The following AMOTL2 variants were observed in gnomAD, a reference collection of about 807,000 sequenced individuals.
AMOTL2 encodes the protein angiomotin-like protein 2.
A neutral mutation model predicts 78.4 loss-of-function variants in AMOTL2; 33 were observed. That is an observed-to-expected ratio of 0.42 (90% CI 0.32 to 0.56). The LOEUF (loss-of-function observed/expected upper bound fraction) is 0.56. AMOTL2 is among the 20% of genes least tolerant of loss of function. The pLI is 0.12. For missense variants in AMOTL2, 983 were observed against 1,030.1 expected, an observed-to-expected ratio of 0.95 and a Z score of 0.63; for synonymous variants, 422 against 428.8, an observed-to-expected ratio of 0.98 and a Z score of 0.20.
intron 9 of AMOTL2, among the ~76,000 whole-genome samples, chr3:134,358,273 G>A (rs901128570): frequency 2.0e-5 from 3 of 152,350 alleles, no homozygotes; most frequent in Non-Finnish European, 4.4e-5. Flanking sequence ...AGGAGCTAAA[G>A]TGCCTCCCAT....
In AMOTL2 at chr3:134,366,301, AG is replaced by A. The variant is rs1415768478; in HGVS notation, c.1167del (p.Phe390SerfsTer177). 2 of 1,614,168 alleles carry A rather than the reference AG, an allele frequency of 1.2e-6. No individual in the cohort carries two copies. The highest frequency in any genetic ancestry group is 1.7e-6 in the Non-Finnish European group (2 of 1,180,008). On this transcript the variant is annotated frameshift_variant, in exon 4 of 10. Transcript: ENST00000249883. LOFTEE classifies it high-confidence loss of function. ...KMDSEMRRLQDFNRDLRERLE... is the reference protein window; with the variant it reads ...KMDSEMRRLQXFNRDLRERLE... Reference sequence around the variant, plus strand: ...CTCTCACCTCTAAGATCCCGGTTGAAGTCTTGCAGCCTCCTCATTTCACTGT... The same window carrying A: ...CTCTCACCTCTAAGATCCCGGTTGAATCTTGCAGCCTCCTCATTTCACTGT...
chr3:134,366,353 C>G lies in AMOTL2; in HGVS notation c.1116G>C (p.Leu372=), dbSNP rs759114475. 6.2e-7 allele frequency: 1 copy of G among 1,614,076 alleles called. No individual in the cohort carries two copies. The highest frequency in any genetic ancestry group is 1.3e-5 in the African/African-American group (1 of 74,930). Residue 372 remains leucine, a synonymous_variant, in exon 4 of 10, where the codon CTG becomes CTC. Transcript: ENST00000249883. ...CCATCTTGTTCCGCATGGTCTTCTC[C>G]AGGGCCTCACGCTTGGAGGAGGCTC... ...LTRASSKREA[L]EKTMRNKMDS... is the part of the protein sequence containing the mutation.
At chr3:134,367,260 G>T (rs1436038184) in intron 3 of AMOTL2, among the ~76,000 whole-genome samples, 2 of 152,174 alleles carry the variant, frequency 1.3e-5, no homozygotes, top group Admixed American at 6.5e-5. Context: ...ATCACCACTG[G>T]CCAGCAACTG....
intron 1 of AMOTL2, chr3:134,374,066 T>G: frequency 4.9e-6 from 1 of 202,888 alleles, no homozygotes; most frequent in Non-Finnish European, 7.8e-6. Flanking sequence ...ACTGTGGCTG[T>G]TGTCTCCGGA....
chr3:134,373,808 A>C (rs1334599372), intron 1 of AMOTL2: 2 of 985,336 alleles, frequency 2.0e-6, no homozygotes, highest in East Asian at 2.3e-4. Flanking sequence ...TGTTTTCCAA[A>C]TACTCTAACG....
At chr3:134,373,592 C>G in intron 1 of AMOTL2, 3 of 985,484 alleles carry the variant, frequency 3.0e-6, no homozygotes, top group Non-Finnish European at 3.6e-6. Flanking sequence ...TTGGCCTGGG[C>G]TCCTGCTCGC....
chr3:134,374,586 C>G (rs1056494571), upstream of AMOTL2: 2 of 985,812 alleles, frequency 2.0e-6, no homozygotes, highest in Non-Finnish European at 1.2e-6. Flanking sequence ...CGCCCTCCTC[C>G]GCCCTCCGCC....
At chr3:134,373,970 C>A (rs893559560) in intron 1 of AMOTL2, 17 of 435,988 alleles carry the variant, frequency 3.9e-5, no homozygotes, top group Non-Finnish European at 5.2e-5. Context: ...CAAATCAGCC[C>A]GCAGGACCCT....
chr3:134,360,510 C>T (rs1218946632), intron 6 of AMOTL2, 97 bp from the exon 7 acceptor site: 11 of 1,055,344 alleles, frequency 1.0e-5, no homozygotes, highest in African/African-American at 4.7e-5. Context: ...TGTACATGTA[C>T]GTGTTCAGCC....
intron 6 of AMOTL2, among the ~76,000 whole-genome samples, chr3:134,361,279 C>G (rs931906951): frequency 5.3e-5 from 8 of 152,230 alleles, no homozygotes; most frequent in African/African-American, 1.9e-4. Context: ...TCCCCCGAGG[C>G]TGGACATGGG....
chr3:134,360,238 A>G lies in AMOTL2; in HGVS notation c.1751T>C (p.Met584Thr). The change falls in exon 7 of 10, where the codon ATG becomes ACG. Residue 584 changes from methionine (M) to threonine (T), a missense_variant. Transcript: ENST00000249883. The stretch of plus-strand genomic sequence containing the variant: ...AGCAGCAGCCGTGGCAGCCGCATCC[A>G]TGGCAAACTGCCTCATGGCACGTTC... ...LEERAMRQFA[M>T]DAAATAAAQR... is the part of the protein sequence containing the mutation. 1.9e-6 allele frequency: 3 copies of G among 1,614,228 alleles called. No homozygotes were observed. The highest frequency in any genetic ancestry group is 1.7e-5 in the Admixed American group (1 of 60,034).
chr3:134,374,603 C>G (rs565897549), upstream of AMOTL2: 8 of 985,536 alleles, frequency 8.1e-6, no homozygotes, highest in Non-Finnish European at 9.6e-6. Flanking sequence ...CGCCTTCTCC[C>G]GCTCCCTCCT....
intron 7 of AMOTL2, 150 bp from the exon 8 acceptor site, chr3:134,359,653 G>A: frequency 1.5e-6 from 1 of 668,954 alleles, no homozygotes; most frequent in Non-Finnish European, 2.5e-6. Context: ...CAGGGACCCA[G>A]AGAGGGCTTA....
chr3:134,358,755 T>C (rs747490100), intron 8 of AMOTL2, 36 bp from the exon 9 acceptor site: 1 of 1,610,518 alleles, frequency 6.2e-7, no homozygotes, highest in Admixed American at 1.7e-5. Context: ...GCCATGCCTG[T>C]AAGATGTGGC....
chr3:134,358,123 A>G (rs1042811410), intron 9 of AMOTL2, among the ~76,000 whole-genome samples: 1 of 152,244 alleles, frequency 6.6e-6, no homozygotes, highest in Non-Finnish European at 1.5e-5. Flanking sequence ...AGGGGAGTGG[A>G]AAAAGAAATG....
At chr3:134,366,025 G>C (rs1576581858) in intron 4 of AMOTL2, 116 bp from the exon 5 acceptor site, 1 of 1,194,176 alleles carries the variant, frequency 8.4e-7, no homozygotes, top group African/African-American at 1.5e-5. Context: ...GGGTTCATAA[G>C]GAAACCCCAG....
intron 7 of AMOTL2, 111 bp from the exon 8 acceptor site, chr3:134,359,614 T>C: frequency 2.4e-6 from 2 of 848,794 alleles, no homozygotes; most frequent in East Asian, 2.7e-5. Context: ...CCCCCAACCC[T>C]GCCAGGCTGG....
chr3:134,359,605 C>T (rs1489091484), intron 7 of AMOTL2, 102 bp from the exon 8 acceptor site: 5 of 949,324 alleles, frequency 5.3e-6, no homozygotes, highest in Non-Finnish European at 8.0e-6. Flanking sequence ...CCCCCAACTC[C>T]CCCAACCCTG....
rs1055523962 is a variant in AMOTL2 at position 134,356,014 on chromosome 3, C to G, written c.*1691G>C. ...ATAACTTAAACATACAGACACACAT[C>G]ATGGTCTTTGGCAGAAAATGTTCAC... On this transcript the variant is annotated 3_prime_UTR_variant, in exon 10 of 10. Transcript: ENST00000249883. The G allele has an allele frequency of 2.6e-5, 4 of 152,634 alleles. No homozygotes were observed. The highest frequency in any genetic ancestry group is 9.7e-5 in the African/African-American group (4 of 41,450). The allele number at this position is 152,634 out of a possible 1,614,324, so 9.5% of individuals were successfully genotyped here. A position where few individuals can be genotyped will look rare whatever the true frequency, so the allele number is the denominator to read the frequency against.
Sources: gnomAD v4.1 joint callset for allele counts (sites outside exome capture counted in the v4.1 genomes callset) on GRCh38, gnomAD v4.1.1 for gene constraint, MANE v1.5 for transcripts, NCBI Gene and HGNC (gene_info 2026-07-23, HGNC 2026-07-21) for gene names.